The following FER variants were observed in gnomAD, a reference collection of about 807,000 sequenced individuals.
FER encodes the protein FER tyrosine kinase.
A neutral mutation model predicts 111.0 loss-of-function variants in FER; 63 were observed. The ratio of observed to expected loss-of-function variants is 0.57; its 90% confidence interval spans 0.46 to 0.70. FER has a LOEUF of 0.70. Among genes scored for constraint, FER ranks in the 30% least tolerant of loss-of-function variants. The pLI is 0.00. For missense variants in FER, 914 were observed against 954.0 expected (o/e 0.96, Z 0.55); for synonymous variants, 327 against 313.9 (o/e 1.04, Z -0.44).
chr5:109,169,086 C>G (rs1041939586), intron 17 of FER, among the ~76,000 whole-genome samples: 2 of 152,104 alleles, frequency 1.3e-5, no homozygotes, highest in African/African-American at 4.8e-5. Flanking sequence ...ATGCACAATG[C>G]AGATTTTTTG....
At chr5:108,920,938 C>T (rs1024683086) in intron 10 of FER, among the ~76,000 whole-genome samples, 1 of 152,174 alleles carries the variant, frequency 6.6e-6, no homozygotes, top group African/African-American at 2.4e-5. Flanking sequence ...ATCCATCACA[C>T]TCCAGCCATT....
chr5:109,147,241 T>C (rs1218046704), intron 17 of FER, among the ~76,000 whole-genome samples: 1 of 151,992 alleles, frequency 6.6e-6, no homozygotes, highest in Non-Finnish European at 1.5e-5. Flanking sequence ...ATAAGATACT[T>C]GTGTACTGCA....
chr5:109,125,508 A>G (rs760523127), intron 17 of FER, among the ~76,000 whole-genome samples: 2 of 152,206 alleles, frequency 1.3e-5, no homozygotes, highest in Non-Finnish European at 2.9e-5. Context: ...AAAATAATAC[A>G]ATTTCAGACC....
At chr5:108,839,797 G>A (rs1284868101) in intron 5 of FER, among the ~76,000 whole-genome samples, 1 of 151,730 alleles carries the variant, frequency 6.6e-6, no homozygotes, top group Non-Finnish European at 1.5e-5. Flanking sequence ...CAGGATGGTC[G>A]CGATCTCCTG....
At chr5:109,161,540 T>G (rs959009847) in intron 17 of FER, among the ~76,000 whole-genome samples, 1 of 152,080 alleles carries the variant, frequency 6.6e-6, no homozygotes, top group Admixed American at 6.6e-5. Context: ...TGCATTAGTT[T>G]GCTAAGGATG....
chr5:109,052,588 C>T lies in FER; in HGVS notation c.1924+5390C>T, dbSNP rs576323718. On this transcript the variant is annotated intron_variant, in intron 16 of 19. Transcript: ENST00000281092. ...CCTGTCTATTTAAAGTTTAAAACTC[C>T]GCTGCTGTTTGTTACTTTCCTCACA... is the stretch of plus-strand genomic sequence containing the variant. 1.9e-4 allele frequency: 112 copies of T among 582,338 alleles called. 1 individual carries two copies. Among genetic ancestry groups the T allele is most frequent in the South Asian group, 9.2e-4 (40 of 43,624 alleles). The allele number at this position is 582,338 out of a possible 1,614,324, so 36.1% of individuals were successfully genotyped here.
At chr5:108,950,961 T>C (rs542701040) in intron 11 of FER, among the ~76,000 whole-genome samples, 1 of 144,488 alleles carries the variant, frequency 6.9e-6, no homozygotes, top group African/African-American at 2.7e-5. Flanking sequence ...AGGGGTCCTA[T>C]GGAATTAAAA....
At chr5:108,805,237 C>T (rs890902194) in intron 3 of FER, among the ~76,000 whole-genome samples, 1 of 152,144 alleles carries the variant, frequency 6.6e-6, no homozygotes, top group Non-Finnish European at 1.5e-5. Context: ...CACAAGCTCT[C>T]TTTTGCCTGC....
chr5:108,759,613 A>G lies in FER; in HGVS notation c.-205-8480A>G, dbSNP rs140321391. Among the ~76,000 whole-genome samples the G allele has an allele frequency of 4.9e-4, 75 of 152,382 alleles. 1 individual carries two copies. The highest frequency in any genetic ancestry group is 1.8e-3 in the African/African-American group (75 of 41,594). The stretch of plus-strand genomic sequence containing the variant: ...ACAGTTCTAGAGGCTGGAAATTTCA[A>G]AGTCAAGGTGTAGACATCTCATGAG... On this transcript the variant is annotated intron_variant, in intron 1 of 19. Coordinates refer to ENST00000281092, the MANE Select transcript of FER (RefSeq NM_005246.4).
intron 10 of FER, among the ~76,000 whole-genome samples, chr5:108,929,485 GT>G (rs1754257198): frequency 6.6e-6 from 1 of 152,028 alleles, no homozygotes; most frequent in African/African-American, 2.4e-5. Context: ...TGGTTATATG[GT>G]TTATCTGTTG....
chr5:108,763,778 A>G lies in FER; in HGVS notation c.-205-4315A>G, dbSNP rs574488636. 9.8e-5 allele frequency among the ~76,000 whole-genome samples: 15 copies of G among 152,314 alleles called. No individual in the cohort carries two copies. In the South Asian group the frequency reaches 2.9e-3, roughly 29 times the overall value. ...AGAAATGCAGAGTGAATTGTTTCCC[A>G]GCAGTAATTCTGAATTCCAGCAGCT... is the stretch of plus-strand genomic sequence containing the variant. On this transcript the variant is annotated intron_variant, in intron 1 of 19. Coordinates refer to ENST00000281092, the MANE Select transcript of FER (RefSeq NM_005246.4).
chr5:109,085,092 C>T (rs948962993), intron 16 of FER, among the ~76,000 whole-genome samples: 2 of 151,750 alleles, frequency 1.3e-5, no homozygotes, highest in East Asian at 3.9e-4. Context: ...TTAGAAGCAG[C>T]TTGTCAAATT....
In FER at chr5:108,822,299, A is replaced by G. The variant is rs182813209; in HGVS notation, c.208-10471A>G. Among the ~76,000 whole-genome samples the G allele has an allele frequency of 2.7e-3, 408 of 152,280 alleles. 5 individuals carry two copies. Among genetic ancestry groups the G allele is most frequent in the African/African-American group, 9.1e-3 (380 of 41,556 alleles). ...TGAGGGTTGTTCCTATATCTTGCCT[A>G]TTATGAATAATGCCTGTCCTAGTCC... On this transcript the variant is annotated intron_variant, in intron 3 of 19. Coordinates refer to ENST00000281092, the MANE Select transcript of FER (RefSeq NM_005246.4).
At chr5:108,953,844 A>T (rs977947460) in intron 11 of FER, among the ~76,000 whole-genome samples, 1 of 152,050 alleles carries the variant, frequency 6.6e-6, no homozygotes, top group East Asian at 1.9e-4. Flanking sequence ...CTTAACCGCA[A>T]AGTACTCTCT....
At chr5:108,983,355 A>G (rs753463482) in intron 13 of FER, among the ~76,000 whole-genome samples, 1 of 151,996 alleles carries the variant, frequency 6.6e-6, no homozygotes, top group Non-Finnish European at 1.5e-5. Flanking sequence ...CAAAACCCCT[A>G]TTCTTTTACT....
chr5:109,054,471 GGTT>G (rs1160208108), intron 16 of FER, among the ~76,000 whole-genome samples: 1 of 152,110 alleles, frequency 6.6e-6, no homozygotes, highest in African/African-American at 2.4e-5. Context: ...AAATTGGGTT[GGTT>G]GTTTTCTTGT....
intron 17 of FER, among the ~76,000 whole-genome samples, chr5:109,102,328 TC>T (rs2150069588): frequency 6.6e-6 from 1 of 152,236 alleles, no homozygotes; most frequent in South Asian, 2.1e-4. Flanking sequence ...TGGGAAGGTT[TC>T]CCAGTTGAAC....
At chr5:109,174,180 G>C (rs186795430) in intron 17 of FER, among the ~76,000 whole-genome samples, 21 of 152,242 alleles carry the variant, frequency 1.4e-4, no homozygotes, top group Admixed American at 1.2e-3. Context: ...AGGTCGCAAA[G>C]GGAAGAGAAG....
rs796984887 is a variant in FER, at chr5:108,844,141, T to C, written c.481+8334T>C. 8.4e-4 allele frequency among the ~76,000 whole-genome samples: 88 copies of C among 104,168 alleles called. 1 individual carries two copies. Among genetic ancestry groups the C allele is most frequent in the Non-Finnish European group, 1.1e-3 (53 of 46,536 alleles). 68.3% of individuals were successfully genotyped at this position (104,168 alleles called of 152,430 possible). ...GAACACATATATGTGTGTGAACATA[T>C]ATGTGTGTGTGAACATATATATGTG... On this transcript the variant is annotated intron_variant, in intron 5 of 19. Coordinates refer to ENST00000281092, the MANE Select transcript of FER (RefSeq NM_005246.4).
Sources: allele counts gnomAD v4.1 joint callset (sites outside exome capture counted in the v4.1 genomes callset), GRCh38; gene constraint gnomAD v4.1.1; transcripts MANE v1.5; gene names NCBI Gene and HGNC (gene_info 2026-07-23, HGNC 2026-07-21).